The following ATRNL1 variants were observed in gnomAD, a reference collection of about 807,000 sequenced individuals.
ATRNL1 encodes attractin-like protein 1.
Under a neutral mutation model 182.7 loss-of-function variants are expected in ATRNL1, and 95 were observed. The observed-to-expected ratio is 0.52, with a 90% CI of 0.44 to 0.62. The LOEUF (loss-of-function observed/expected upper bound fraction) is 0.62. ATRNL1 is among the 20% of genes least tolerant of loss of function. The pLI is 0.00. For synonymous variants in ATRNL1, 576 were observed against 568.3 expected (o/e 1.01, Z -0.19); for missense variants, 1,471 against 1,679.5 (o/e 0.88, Z 2.17).
chr10:115,572,849 G>T (rs1254165210), intron 26 of ATRNL1, among the ~76,000 whole-genome samples: 3 of 152,164 alleles, frequency 2.0e-5, no homozygotes, highest in Non-Finnish European at 4.4e-5. Flanking sequence ...TATGATTGGG[G>T]TGTGGCTTGC....
At chr10:115,866,094 T>G (rs555777530) in intron 28 of ATRNL1, among the ~76,000 whole-genome samples, 1 of 152,336 alleles carries the variant, frequency 6.6e-6, no homozygotes, top group African/African-American at 2.4e-5. Context: ...AACAAGAGGA[T>G]ATATATTTAC....
chr10:115,411,705 C>G (rs1280803027), intron 20 of ATRNL1, among the ~76,000 whole-genome samples: 1 of 151,928 alleles, frequency 6.6e-6, no homozygotes, highest in African/African-American at 2.4e-5. Flanking sequence ...TGTAAAGTAT[C>G]AATTTGTTTA....
At chr10:115,783,592 C>G (rs139856476) in intron 27 of ATRNL1, among the ~76,000 whole-genome samples, 3 of 152,132 alleles carry the variant, frequency 2.0e-5, no homozygotes, top group African/African-American at 7.2e-5. Context: ...ATTGAGATAA[C>G]CTTTGAGTTT....
intron 26 of ATRNL1, among the ~76,000 whole-genome samples, chr10:115,585,098 A>G (rs371433081): frequency 0.39 from 43,500 of 112,732 alleles, 8,724 homozygotes; most frequent in African/African-American, 0.49. Context: ...GTTTGATTGC[A>G]CTGTGGTCTG....
At chr10:115,370,865 C>T (rs1462183593) in intron 19 of ATRNL1, among the ~76,000 whole-genome samples, 1 of 152,160 alleles carries the variant, frequency 6.6e-6, no homozygotes, top group Non-Finnish European at 1.5e-5. Context: ...AGGGAACTTT[C>T]TGGCAGGCTT....
At chr10:115,164,176 A>T (rs11197093) in intron 6 of ATRNL1, among the ~76,000 whole-genome samples, 45,824 of 152,002 alleles carry the variant, frequency 0.3, 7,093 homozygotes, top group South Asian at 0.35. Context: ...TTGGGACTTC[A>T]GTTTTCATAT....
intron 25 of ATRNL1, among the ~76,000 whole-genome samples, chr10:115,530,214 A>G (rs3904064): frequency 0.6 from 91,603 of 152,006 alleles, 29,210 homozygotes; most frequent in Non-Finnish European, 0.73. Context: ...GTGGATATAT[A>G]TTTTCATTTC....
intron 26 of ATRNL1, among the ~76,000 whole-genome samples, chr10:115,643,281 A>C (rs952273163): frequency 6.6e-6 from 1 of 152,194 alleles, no homozygotes; most frequent in Non-Finnish European, 1.5e-5. Flanking sequence ...TATGCAAAAA[A>C]TAATAATAAC....
chr10:115,827,624 T>G (rs1950465982), intron 27 of ATRNL1, among the ~76,000 whole-genome samples: 1 of 152,146 alleles, frequency 6.6e-6, no homozygotes, highest in South Asian at 2.1e-4. Flanking sequence ...AAAAGAATTC[T>G]AACATCCTAA....
At chr10:115,814,712 C>T (rs565468583) in intron 27 of ATRNL1, among the ~76,000 whole-genome samples, 5 of 152,250 alleles carry the variant, frequency 3.3e-5, no homozygotes, top group South Asian at 2.1e-4. Context: ...CTGGTTTGAT[C>T]ATTGACAAAG....
At chr10:115,179,606 G>A (rs563985724) in intron 8 of ATRNL1, among the ~76,000 whole-genome samples, 55 of 152,160 alleles carry the variant, frequency 3.6e-4, no homozygotes, top group African/African-American at 1.3e-3. Context: ...GGCTGATATA[G>A]TAGCTACTAT....
At chr10:115,568,896 C>A (rs1854222227) in intron 26 of ATRNL1, among the ~76,000 whole-genome samples, 1 of 151,970 alleles carries the variant, frequency 6.6e-6, no homozygotes, top group African/African-American at 2.4e-5. Context: ...CAGGATGTTG[C>A]ATATTCCAAT....
intron 24 of ATRNL1, among the ~76,000 whole-genome samples, chr10:115,503,644 A>G (rs1458357158): frequency 1.4e-5 from 2 of 144,758 alleles, no homozygotes; most frequent in Non-Finnish European, 2.9e-5. Context: ...TAAAAAGACC[A>G]TTACAATTTC....
intron 26 of ATRNL1, among the ~76,000 whole-genome samples, chr10:115,606,912 A>G (rs1157915035): frequency 6.6e-6 from 1 of 151,994 alleles, no homozygotes. Flanking sequence ...AGATGGTGTC[A>G]TAATGTTTAG....
At chr10:115,127,443 G>C (rs782511797) in intron 3 of ATRNL1, 150 bp from the exon 4 acceptor site, 34 of 542,042 alleles carry the variant, frequency 6.3e-5, no homozygotes, top group Admixed American at 2.7e-4. Flanking sequence ...AAATGGATAG[G>C]GACTTCTTTT....
At chr10:115,171,770 C>G (rs1554885718) in intron 8 of ATRNL1, among the ~76,000 whole-genome samples, 1 of 151,948 alleles carries the variant, frequency 6.6e-6, no homozygotes. Flanking sequence ...AGATTATTAT[C>G]TGTTATGTGA....
intron 26 of ATRNL1, among the ~76,000 whole-genome samples, chr10:115,724,917 A>C (rs573133088): frequency 6.6e-6 from 1 of 152,286 alleles, no homozygotes; most frequent in South Asian, 2.1e-4. Flanking sequence ...TCTCTTCCTA[A>C]ATTTCACAGT....
At chr10:115,209,832 A>C (rs1299134891) in intron 8 of ATRNL1, among the ~76,000 whole-genome samples, 2 of 152,020 alleles carry the variant, frequency 1.3e-5, no homozygotes, top group African/African-American at 4.8e-5. Flanking sequence ...GAATATAATG[A>C]GAATGTGACT....
At chr10:115,490,427 C>G (rs1295767330) in intron 24 of ATRNL1, among the ~76,000 whole-genome samples, 2 of 151,756 alleles carry the variant, frequency 1.3e-5, no homozygotes, top group African/African-American at 4.8e-5. Flanking sequence ...TTTCTTTTTA[C>G]TCTTTTTTCT....
Sources: gnomAD v4.1 joint callset for allele counts (sites outside exome capture counted in the v4.1 genomes callset) on GRCh38, gnomAD v4.1.1 for gene constraint, MANE v1.5 for transcripts, NCBI Gene and HGNC (gene_info 2026-07-23, HGNC 2026-07-21) for gene names.